ENPP2: variants seen among roughly 807,000 people sequenced by gnomAD.
ENPP2 encodes the protein ectonucleotide pyrophosphatase/phosphodiesterase 2, also known as autotaxin.
A neutral mutation model predicts 120.2 loss-of-function variants in ENPP2; 51 were observed. The ratio of observed to expected loss-of-function variants is 0.42; its 90% CI spans 0.34 to 0.54. The LOEUF (loss-of-function observed/expected upper bound fraction) is 0.54. ENPP2 is among the 20% of genes least tolerant of loss of function. The pLI is 0.04. For synonymous variants in ENPP2, 365 were observed against 366.4 expected (o/e 1.00, Z 0.04); for missense variants, 920 against 1,066.5 (o/e 0.86, Z 1.91).
At chr8:119,611,380 A>G (rs1177219446) in intron 8 of ENPP2, among the ~76,000 whole-genome samples, 4 of 152,222 alleles carry the variant, frequency 2.6e-5, no homozygotes, top group Non-Finnish European at 5.9e-5. Flanking sequence ...CAGCAGATCA[A>G]TCGCTGAGAA....
intron 17 of ENPP2, among the ~76,000 whole-genome samples, 187 bp downstream of exon 17, chr8:119,583,530 G>T (rs1160121478): frequency 1.3e-5 from 2 of 152,208 alleles, no homozygotes; most frequent in Non-Finnish European, 2.9e-5. Context: ...ACTGTTGAAG[G>T]AAGACAAAGA....
intron 1 of ENPP2, among the ~76,000 whole-genome samples, chr8:119,647,635 A>G (rs1817510223): frequency 6.6e-6 from 1 of 152,136 alleles, no homozygotes; most frequent in Non-Finnish European, 1.5e-5. Context: ...TTTTTTCAGT[A>G]TTTCTTGTCT....
intron 24 of ENPP2, among the ~76,000 whole-genome samples, chr8:119,562,129 T>A (rs1814011103): frequency 7.5e-6 from 1 of 134,110 alleles, no homozygotes; most frequent in Admixed American, 7.9e-5. Flanking sequence ...AGAGTGAGAC[T>A]CCGCCTCAAA....
intron 9 of ENPP2, among the ~76,000 whole-genome samples, chr8:119,606,933 A>G (rs1814759810): frequency 6.6e-6 from 1 of 151,916 alleles, no homozygotes; most frequent in Non-Finnish European, 1.5e-5. Flanking sequence ...TCCTTTTCTT[A>G]CTAAGGAACC....
chr8:119,601,623 A>T (rs1320404901), intron 9 of ENPP2, among the ~76,000 whole-genome samples, 161 bp from the exon 10 acceptor site: 1 of 152,146 alleles, frequency 6.6e-6, no homozygotes, highest in Non-Finnish European at 1.5e-5. Context: ...TTAGCGTTTA[A>T]ACTACTATTT....
At chr8:119,639,861 G>C (rs1817219691), upstream of ENPP2, among the ~76,000 whole-genome samples, 1 of 152,154 alleles carries the variant, frequency 6.6e-6, no homozygotes, top group Non-Finnish European at 1.5e-5. Context: ...AAAATCAAGG[G>C]CTCTAAATCT....
At chr8:119,614,357 G>A (rs940253593) in intron 8 of ENPP2, among the ~76,000 whole-genome samples, 2 of 151,944 alleles carry the variant, frequency 1.3e-5, no homozygotes, top group Non-Finnish European at 1.5e-5. Flanking sequence ...GAGCCACCAC[G>A]CCCGGCCCCT....
chr8:119,620,027 G>A (rs561129136), intron 4 of ENPP2, among the ~76,000 whole-genome samples: 1 of 152,312 alleles, frequency 6.6e-6, no homozygotes, highest in East Asian at 1.9e-4. Context: ...ACACATTGGA[G>A]AAATTGCTCC....
intron 1 of ENPP2, among the ~76,000 whole-genome samples, chr8:119,666,777 T>TA (rs11326011): frequency 6.2e-4 from 85 of 136,720 alleles, no homozygotes; most frequent in South Asian, 4.3e-3. Flanking sequence ...CAAAACTGTC[T>TA]AAAAAAAAAA....
upstream of ENPP2, chr8:119,638,896 A>G (rs995892930): frequency 8.4e-5 from 107 of 1,278,532 alleles, no homozygotes; most frequent in Non-Finnish European, 1.1e-4. Context: ...TGGGAGGTTG[A>G]CAGACTCCTC....
chr8:119,577,888 G>A (rs1812456358), intron 19 of ENPP2, among the ~76,000 whole-genome samples: 1 of 152,146 alleles, frequency 6.6e-6, no homozygotes, highest in South Asian at 2.1e-4. Flanking sequence ...ACACTTCAGG[G>A]ATTTAAGTAA....
intron 11 of ENPP2, among the ~76,000 whole-genome samples, chr8:119,599,743 C>T (rs770734759): frequency 2.6e-5 from 4 of 152,100 alleles, no homozygotes; most frequent in African/African-American, 4.8e-5. Context: ...TGGTGGCTCA[C>T]GCCTGCAATC....
chr8:119,575,523 T>A (rs2130194234), intron 19 of ENPP2, among the ~76,000 whole-genome samples: 1 of 152,208 alleles, frequency 6.6e-6, no homozygotes, highest in South Asian at 2.1e-4. Flanking sequence ...AAAAGCAAAA[T>A]TTTCTTTTGA....
chr8:119,659,504 T>C (rs1266493098), intron 1 of ENPP2, among the ~76,000 whole-genome samples: 1 of 152,166 alleles, frequency 6.6e-6, no homozygotes, highest in Non-Finnish European at 1.5e-5. Flanking sequence ...GAGGCTTCAC[T>C]TCAGCAAAGC....
intron 1 of ENPP2, among the ~76,000 whole-genome samples, chr8:119,669,537 A>G (rs897343224): frequency 6.6e-6 from 1 of 152,192 alleles, no homozygotes; most frequent in African/African-American, 2.4e-5. Flanking sequence ...CATCTCAAAA[A>G]AGAAAGCATG....
At chr8:119,660,399 C>G (rs1322306707) in intron 1 of ENPP2, among the ~76,000 whole-genome samples, 1 of 152,168 alleles carries the variant, frequency 6.6e-6, no homozygotes, top group Non-Finnish European at 1.5e-5. Flanking sequence ...ATTGGGGGAG[C>G]TGGGATGTAA....
chr8:119,626,859 T>A, intron 2 of ENPP2, 139 bp from the exon 3 acceptor site: 1 of 720,342 alleles, frequency 1.4e-6, no homozygotes, highest in South Asian at 2.1e-5. Context: ...ACTACCCATG[T>A]ACTCTGGGCA....
At chr8:119,653,867 C>T (rs1817692755) in intron 1 of ENPP2, among the ~76,000 whole-genome samples, 1 of 151,544 alleles carries the variant, frequency 6.6e-6, no homozygotes, top group African/African-American at 2.4e-5. Context: ...TGTGCATTGC[C>T]CTTCCTCAAA....
At chr8:119,587,116 C>A in intron 13 of ENPP2, 41 bp from the exon 14 acceptor site, 2 of 1,539,028 alleles carry the variant, frequency 1.3e-6, no homozygotes, top group East Asian at 2.3e-5. Flanking sequence ...GAAATAACAA[C>A]CATTACCAAG....
Sources: gnomAD v4.1 joint callset for allele counts (sites outside exome capture counted in the v4.1 genomes callset) on GRCh38, gnomAD v4.1.1 for gene constraint, MANE v1.5 for transcripts, NCBI Gene and HGNC (gene_info 2026-07-23, HGNC 2026-07-21) for gene names.